The following PALM2AKAP2 variants were observed in gnomAD, a reference collection of about 807,000 sequenced individuals.
PALM2AKAP2 encodes PALM2-AKAP2 fusion protein.
A neutral mutation model predicts 71.5 loss-of-function variants in PALM2AKAP2; 37 were observed. The observed-to-expected ratio is 0.52, with a 90% CI of 0.40 to 0.68. The LOEUF (loss-of-function observed/expected upper bound fraction) is 0.68. Among genes scored for constraint, PALM2AKAP2 ranks in the 30% least tolerant of loss-of-function variants. The pLI is 0.00. For missense variants in PALM2AKAP2, 1,224 were observed against 1,191.8 expected (o/e 1.03, Z -0.40); for synonymous variants, 468 against 478.8 (o/e 0.98, Z 0.29).
At chr9:110,054,348 G>A (rs943019749) in intron 1 of PALM2AKAP2, among the ~76,000 whole-genome samples, 8 of 151,798 alleles carry the variant, frequency 5.3e-5, no homozygotes, top group African/African-American at 1.7e-4. Context: ...GCGGTGGGCC[G>A]ACATGGTGCC....
intron 3 of PALM2AKAP2, among the ~76,000 whole-genome samples, chr9:109,907,363 ACTTCC>A (rs1830469416): frequency 6.6e-6 from 1 of 152,192 alleles, no homozygotes. Flanking sequence ...AACATTTCAA[ACTTCC>A]CTTCCAAGAC....
chr9:110,028,513 A>G (rs1238333897), intron 7 of PALM2AKAP2, among the ~76,000 whole-genome samples: 1 of 152,204 alleles, frequency 6.6e-6, no homozygotes, highest in Admixed American at 6.5e-5. Flanking sequence ...TATTAATCCC[A>G]TTCTACAGAT....
intron 1 of PALM2AKAP2, among the ~76,000 whole-genome samples, chr9:109,790,780 G>A (rs2118867742): frequency 6.6e-6 from 1 of 152,320 alleles, no homozygotes; most frequent in South Asian, 2.1e-4. Flanking sequence ...GGGGTGGGAA[G>A]TGCTTTGAAA....
At position 109,996,345 on chromosome 9, in the gene PALM2AKAP2, C is replaced by A. The variant is rs1221810384; in HGVS notation, c.497-19609C>A. Among the ~76,000 whole-genome samples the A allele has an allele frequency of 3.3e-5, 5 of 152,154 alleles. No individual in the cohort carries two copies. In the East Asian group the frequency reaches 9.6e-4, roughly 29 times the overall value. On this transcript the variant is annotated intron_variant, in intron 6 of 9. Transcript: ENST00000302798. The stretch of plus-strand genomic sequence containing the variant: ...ATTTGTGAAATAATTGGAGAGGAAA[C>A]CAAGTTTTAAGCTATTAGTTCTCTA...
intron 1 of PALM2AKAP2, among the ~76,000 whole-genome samples, chr9:109,739,604 G>A (rs982189766): frequency 6.6e-6 from 1 of 152,180 alleles, no homozygotes; most frequent in African/African-American, 2.4e-5. Context: ...CCACTAATTA[G>A]TGGCAGAATT....
At chr9:110,127,848 C>T (rs1835648128) in intron 1 of PALM2AKAP2, 1 of 152,244 alleles carries the variant, frequency 6.6e-6, no homozygotes, top group African/African-American at 2.4e-5. Context: ...ACTTCCTTCT[C>T]CTAGTGCTGT....
intron 2 of PALM2AKAP2, among the ~76,000 whole-genome samples, chr9:109,878,032 G>A (rs1001336089): frequency 2.4e-4 from 36 of 152,122 alleles, no homozygotes; most frequent in African/African-American, 7.7e-4. Flanking sequence ...AGGGTCTGTC[G>A]GGGAAATTTT....
chr9:110,071,025 A>T (rs1834193554), intron 1 of PALM2AKAP2, among the ~76,000 whole-genome samples: 1 of 151,908 alleles, frequency 6.6e-6, no homozygotes, highest in African/African-American at 2.4e-5. Context: ...TTAGCCAGAC[A>T]TGGTGGTACG....
chr9:110,000,418 G>A (rs897493239), intron 6 of PALM2AKAP2, among the ~76,000 whole-genome samples: 10 of 152,008 alleles, frequency 6.6e-5, no homozygotes, highest in Non-Finnish European at 1.0e-4. Context: ...ATCATTGTTC[G>A]ACATTTGGGT....
At chr9:109,865,364 G>T (rs962400978) in intron 1 of PALM2AKAP2, among the ~76,000 whole-genome samples, 2 of 152,160 alleles carry the variant, frequency 1.3e-5, no homozygotes, top group Middle Eastern at 6.8e-3. Flanking sequence ...CTCCCAAAGT[G>T]CTGGGATTAC....
chr9:110,146,667 G>C (rs1254108418), intron 2 of PALM2AKAP2, among the ~76,000 whole-genome samples: 1 of 152,170 alleles, frequency 6.6e-6, no homozygotes, highest in Non-Finnish European at 1.5e-5. Flanking sequence ...GAATATGACT[G>C]TGTCTTTTAC....
intron 1 of PALM2AKAP2, among the ~76,000 whole-genome samples, chr9:109,826,110 A>G (rs9696433): frequency 6.6e-6 from 1 of 151,794 alleles, no homozygotes; most frequent in Non-Finnish European, 1.5e-5. Context: ...AAACTATCGC[A>G]AGGACAAAAA....
intron 7 of PALM2AKAP2, among the ~76,000 whole-genome samples, chr9:110,018,527 C>T (rs1488918275): frequency 6.6e-6 from 1 of 152,024 alleles, no homozygotes; most frequent in Non-Finnish European, 1.5e-5. Context: ...GATGGGGTTT[C>T]ACCATGTTGG....
chr9:109,933,219 C>A (rs1337406062), intron 6 of PALM2AKAP2, among the ~76,000 whole-genome samples: 2 of 152,212 alleles, frequency 1.3e-5, no homozygotes, highest in Admixed American at 1.3e-4. Flanking sequence ...CTGCAACCTG[C>A]AGTTATGCTT....
chr9:110,131,888 C>T (rs1023621615), intron 1 of PALM2AKAP2, among the ~76,000 whole-genome samples: 3 of 152,134 alleles, frequency 2.0e-5, no homozygotes, highest in African/African-American at 7.2e-5. Flanking sequence ...GAAAGGGGGA[C>T]TGGATGCCAT....
intron 1 of PALM2AKAP2, among the ~76,000 whole-genome samples, chr9:109,644,228 A>G (rs1309517672): frequency 2.0e-5 from 3 of 151,980 alleles, no homozygotes; most frequent in Non-Finnish European, 2.9e-5. Context: ...CTTTTAGAAT[A>G]TCATCTTTTC....
chr9:110,045,820 G>A (rs538206084), upstream of PALM2AKAP2, among the ~76,000 whole-genome samples: 8 of 152,026 alleles, frequency 5.3e-5, no homozygotes, highest in East Asian at 1.9e-4. Context: ...CACCCACCTC[G>A]GACTCCCAAA....
At chr9:110,025,701 C>G (rs1325683832) in intron 7 of PALM2AKAP2, among the ~76,000 whole-genome samples, 1 of 152,212 alleles carries the variant, frequency 6.6e-6, no homozygotes, top group Non-Finnish European at 1.5e-5. Flanking sequence ...CCAACACTTA[C>G]TACTGTCCAT....
At chr9:109,768,197 G>A (rs989013731) in intron 1 of PALM2AKAP2, among the ~76,000 whole-genome samples, 6 of 151,630 alleles carry the variant, frequency 4.0e-5, no homozygotes, top group African/African-American at 1.5e-4. Context: ...AAGCAGGCAG[G>A]CAGGGAGAAA....
Sources: allele counts gnomAD v4.1 joint callset (sites outside exome capture counted in the v4.1 genomes callset), GRCh38; gene constraint gnomAD v4.1.1; transcripts MANE v1.5; gene names NCBI Gene and HGNC (gene_info 2026-07-23, HGNC 2026-07-21).